PCDH15: variants seen among roughly 807,000 people sequenced by gnomAD.
The protein encoded by PCDH15 is protocadherin-15.
Under a neutral mutation model 178.5 loss-of-function variants are expected in PCDH15, and 129 were observed. That is an observed-to-expected ratio of 0.72 (90% CI 0.63 to 0.84). The LOEUF (loss-of-function observed/expected upper bound fraction) is 0.84. Ranked by LOEUF, PCDH15 falls within the 40% of genes least tolerant of loss-of-function variation. The pLI is 0.00. For synonymous variants in PCDH15, 800 were observed against 732.0 expected (o/e 1.09, Z -1.50); for missense variants, 2,230 against 2,099.9 (o/e 1.06, Z -1.21).
chr10:54,105,719 A>C (rs117966174), intron 15 of PCDH15, among the ~76,000 whole-genome samples: 3,451 of 152,230 alleles, frequency 0.023, 49 homozygotes, highest in Middle Eastern at 0.058. Context: ...TGCATCTTTC[A>C]ATCCAATTAA....
intron 3 of PCDH15, among the ~76,000 whole-genome samples, chr10:54,830,452 GA>G (rs1211739559): frequency 6.6e-6 from 1 of 152,064 alleles, no homozygotes; most frequent in Non-Finnish European, 1.5e-5. Flanking sequence ...GATGAAGCTG[GA>G]AACCATCATT....
chr10:55,201,059 C>T (rs532015378), intron 1 of PCDH15, among the ~76,000 whole-genome samples: 1 of 152,138 alleles, frequency 6.6e-6, no homozygotes, highest in Admixed American at 6.5e-5. Context: ...CATTTCGTAT[C>T]CTTAGTATAG....
intron 2 of PCDH15, among the ~76,000 whole-genome samples, chr10:54,590,593 T>C (rs1469005341): frequency 1.3e-5 from 2 of 152,304 alleles, no homozygotes; most frequent in Middle Eastern, 3.4e-3. Flanking sequence ...TGTGCTATAA[T>C]AATGGTTGAG....
At position 54,863,797 on chromosome 10, in the gene PCDH15, G is replaced by A. The variant is rs535416901; in HGVS notation, c.-29+33653C>T. 2.6e-5 allele frequency among the ~76,000 whole-genome samples: 4 copies of A among 152,242 alleles called. No homozygotes were observed. In the East Asian group the frequency reaches 5.8e-4, roughly 22 times the overall value. On this transcript the variant is annotated intron_variant, in intron 3 of 5. Coordinates refer to the PCDH15 transcript ENST00000458638. ...TTGATATTAAACCTCCAGTGGAACC[G>A]CCAGTCATAAGGAAAGCAGTGAAGT...
At chr10:54,520,480 C>T (rs373959202) in intron 3 of PCDH15, among the ~76,000 whole-genome samples, 7,800 of 152,094 alleles carry the variant, frequency 0.051, 220 homozygotes, top group East Asian at 0.081. Context: ...TCATCACTGG[C>T]CATCAGAGAA....
At chr10:55,450,955 C>CTATATATTTATA (rs747906607) in intron 2 of PCDH15, among the ~76,000 whole-genome samples, 1 of 122,324 alleles carries the variant, frequency 8.2e-6, no homozygotes, top group African/African-American at 3.4e-5. Context: ...GGGGTAAGAA[C>CTATATATTTATA]TATATATATA....
At chr10:55,440,489 A>G (rs1242385205) in intron 2 of PCDH15, among the ~76,000 whole-genome samples, 1 of 152,202 alleles carries the variant, frequency 6.6e-6, no homozygotes, top group Non-Finnish European at 1.5e-5. Context: ...AGAAAGACAT[A>G]AGCAAAATGG....
At chr10:53,897,603 T>C (rs1032281888) in intron 26 of PCDH15, among the ~76,000 whole-genome samples, 17 of 152,064 alleles carry the variant, frequency 1.1e-4, no homozygotes, top group Non-Finnish European at 1.9e-4. Context: ...GTATTCACAT[T>C]GTTCTGCAAA....
chr10:54,298,271 CA>C (rs1291015721), intron 8 of PCDH15, among the ~76,000 whole-genome samples: 2 of 152,124 alleles, frequency 1.3e-5, no homozygotes, highest in African/African-American at 4.8e-5. Context: ...CCACAGATAT[CA>C]AAAGAAAGCT....
At chr10:55,248,965 G>C (rs1189418829) in intron 1 of PCDH15, among the ~76,000 whole-genome samples, 1 of 152,170 alleles carries the variant, frequency 6.6e-6, no homozygotes, top group African/African-American at 2.4e-5. Context: ...GGATGAGGGA[G>C]AGTCTAGTAC....
chr10:55,535,460 C>G (rs137903902), intron 2 of PCDH15, among the ~76,000 whole-genome samples: 81 of 152,038 alleles, frequency 5.3e-4, no homozygotes, highest in African/African-American at 1.8e-3. Flanking sequence ...GTAAAGTCTA[C>G]ACTTGGTGAA....
Position 55,051,954 on chromosome 10 carries a change from A to G in PCDH15, c.-80+114622T>C, listed in dbSNP as rs980004698. 1.8e-4 allele frequency among the ~76,000 whole-genome samples: 27 copies of G among 152,142 alleles called. 1 individual carries two copies. The highest frequency in any genetic ancestry group is 5.2e-4 in the Admixed American group (8 of 15,266). On this transcript the variant is annotated intron_variant, in intron 2 of 5. Transcript: ENST00000458638. ...CACTCAGCCTGCTTCAGAGATGTAT[A>G]TATACCCATAGATAGGGTGGAGCAA...
intron 26 of PCDH15, among the ~76,000 whole-genome samples, chr10:53,897,545 A>C (rs2082032956): frequency 6.6e-6 from 1 of 152,230 alleles, no homozygotes; most frequent in African/African-American, 2.4e-5. Flanking sequence ...GTAACACAAA[A>C]GTTAGCATTT....
intron 2 of PCDH15, among the ~76,000 whole-genome samples, chr10:54,555,022 T>C (rs2087022869): frequency 6.6e-6 from 1 of 152,032 alleles, no homozygotes; most frequent in African/African-American, 2.4e-5. Context: ...CATTGGAAAA[T>C]AGCTATTCTG....
chr10:55,591,238 G>A (rs1842836809), intron 2 of PCDH15, among the ~76,000 whole-genome samples: 1 of 152,032 alleles, frequency 6.6e-6, no homozygotes, highest in Admixed American at 6.6e-5. Context: ...TTTGAGAACA[G>A]CCTGTACAAC....
At chr10:55,379,514 G>A (rs555660249) in intron 2 of PCDH15, among the ~76,000 whole-genome samples, 7 of 151,858 alleles carry the variant, frequency 4.6e-5, no homozygotes, top group Non-Finnish European at 7.4e-5. Context: ...TATAGGTCAC[G>A]AATATCAATA....
intron 11 of PCDH15, among the ~76,000 whole-genome samples, chr10:54,189,923 GTA>G (rs57328325): frequency 0.044 from 4,392 of 99,536 alleles, 166 homozygotes; most frequent in African/African-American, 0.13. Context: ...ACATGCATGT[GTA>G]TGTGTGTGTG....
chr10:53,833,852 A>G (rs980192963), intron 29 of PCDH15, among the ~76,000 whole-genome samples: 4 of 151,968 alleles, frequency 2.6e-5, no homozygotes, highest in African/African-American at 4.8e-5. Context: ...TAAATTTTCA[A>G]TGGATACACT....
At chr10:54,228,505 T>G (rs1318890396) in intron 9 of PCDH15, among the ~76,000 whole-genome samples, 1 of 152,158 alleles carries the variant, frequency 6.6e-6, no homozygotes, top group Admixed American at 6.5e-5. Flanking sequence ...AGCGATATCA[T>G]TTGTTATGAA....
Sources: gnomAD v4.1 joint callset for allele counts (sites outside exome capture counted in the v4.1 genomes callset) on GRCh38, gnomAD v4.1.1 for gene constraint, MANE v1.5 for transcripts, NCBI Gene and HGNC (gene_info 2026-07-23, HGNC 2026-07-21) for gene names.